FAT3: variants seen among roughly 807,000 people sequenced by gnomAD.
FAT3 encodes FAT atypical cadherin 3.
FAT3 carries 95 observed loss-of-function variants against 310.2 expected under a neutral mutation model. The ratio of observed to expected loss-of-function variants is 0.31; its 90% CI spans 0.26 to 0.36. The LOEUF is 0.36. Ranked by LOEUF, FAT3 falls within the 10% of genes least tolerant of loss-of-function variation. The pLI is 1.00. For synonymous variants in FAT3, 2,314 were observed against 2,192.9 expected (o/e 1.06, Z -1.54); for missense variants, 5,408 against 5,715.6 (o/e 0.95, Z 1.74).
intron 7 of FAT3, among the ~76,000 whole-genome samples, chr11:92,785,712 A>G (rs1036656883): frequency 6.6e-6 from 1 of 152,176 alleles, no homozygotes; most frequent in Non-Finnish European, 1.5e-5. Context: ...GAACAAATGA[A>G]AAAAGACAAA....
chr11:92,438,790 C>T (rs1280223401), intron 2 of FAT3, among the ~76,000 whole-genome samples: 10 of 152,118 alleles, frequency 6.6e-5, no homozygotes, highest in African/African-American at 1.9e-4. Context: ...GTTTTATCCC[C>T]ATGTAGTAGA....
chr11:92,843,733 C>T (rs1158521652), intron 18 of FAT3, among the ~76,000 whole-genome samples: 1 of 152,180 alleles, frequency 6.6e-6, no homozygotes, highest in African/African-American at 2.4e-5. Flanking sequence ...TTGTCCATAA[C>T]AGAGTGTACA....
chr11:92,307,077 A>G (rs147652157), intron 1 of FAT3, among the ~76,000 whole-genome samples: 218 of 151,800 alleles, frequency 1.4e-3, no homozygotes, highest in African/African-American at 5.0e-3. Context: ...GATTACAGAC[A>G]TGAGCCACTG....
At chr11:92,538,380 C>T (rs1954329420) in intron 3 of FAT3, among the ~76,000 whole-genome samples, 1 of 152,116 alleles carries the variant, frequency 6.6e-6, no homozygotes. Context: ...AGTTTCTTAA[C>T]TTGGTATAGC....
intron 2 of FAT3, among the ~76,000 whole-genome samples, chr11:92,405,949 CT>C (rs1487667530): frequency 2.2e-4 from 33 of 152,302 alleles, no homozygotes; most frequent in Admixed American, 2.1e-3. Context: ...TTGTTTTGAG[CT>C]TTCCCCCAAC....
chr11:92,696,075 G>A (rs1943930230), intron 3 of FAT3, among the ~76,000 whole-genome samples: 1 of 151,870 alleles, frequency 6.6e-6, no homozygotes, highest in Non-Finnish European at 1.5e-5. Flanking sequence ...TATTTCACAT[G>A]GTATGCTTGA....
chr11:92,615,925 A>C (rs997432757), intron 3 of FAT3, among the ~76,000 whole-genome samples: 1 of 152,106 alleles, frequency 6.6e-6, no homozygotes, highest in African/African-American at 2.4e-5. Flanking sequence ...AATAAGTGTG[A>C]TGTGGTGCTG....
At chr11:92,522,219 G>A (rs1157048563) in intron 2 of FAT3, among the ~76,000 whole-genome samples, 1 of 152,104 alleles carries the variant, frequency 6.6e-6, no homozygotes, top group African/African-American at 2.4e-5. Context: ...TCACTTGTCT[G>A]TTCTATGACT....
intron 2 of FAT3, among the ~76,000 whole-genome samples, chr11:92,359,207 C>T (rs1409511426): frequency 1.3e-5 from 2 of 152,056 alleles, no homozygotes; most frequent in Non-Finnish European, 2.9e-5. Context: ...ACAGTGGCTA[C>T]CAGATTATAT....
At chr11:92,245,928 G>A (rs1002805620) in intron 1 of FAT3, among the ~76,000 whole-genome samples, 6 of 152,068 alleles carry the variant, frequency 3.9e-5, no homozygotes, top group Admixed American at 3.3e-4. Flanking sequence ...CCAGGGGAGG[G>A]GAGTGTCATG....
At chr11:92,697,351 A>G (rs1424736921) in intron 3 of FAT3, 33 bp from the exon 4 acceptor site, 7 of 1,606,878 alleles carry the variant, frequency 4.4e-6, no homozygotes, top group Admixed American at 3.3e-5. Context: ...TGCCCCAGAT[A>G]TTTAAAAGTC....
chr11:92,614,777 C>CT (rs1234491793), intron 3 of FAT3, among the ~76,000 whole-genome samples: 1 of 152,170 alleles, frequency 6.6e-6, no homozygotes, highest in African/African-American at 2.4e-5. Flanking sequence ...CCTAAGAAGT[C>CT]TTTGCTTCTA....
chr11:92,511,230 T>G (rs1169993422), intron 2 of FAT3, among the ~76,000 whole-genome samples: 1 of 152,222 alleles, frequency 6.6e-6, no homozygotes, highest in Non-Finnish European at 1.5e-5. Context: ...CTTAGGATAA[T>G]TCACAGATGG....
intron 2 of FAT3, among the ~76,000 whole-genome samples, chr11:92,511,261 G>A (rs770664752): frequency 2.6e-5 from 4 of 152,106 alleles, no homozygotes; most frequent in Non-Finnish European, 4.4e-5. Context: ...TTCAGAGCTT[G>A]AATTATCACT....
At chr11:92,578,247 T>A (rs1465209045) in intron 3 of FAT3, among the ~76,000 whole-genome samples, 1 of 152,132 alleles carries the variant, frequency 6.6e-6, no homozygotes, top group Non-Finnish European at 1.5e-5. Flanking sequence ...ACAGGATTAC[T>A]TGGTTCTCTA....
At chr11:92,418,437 C>G (rs1277175566) in intron 2 of FAT3, among the ~76,000 whole-genome samples, 7 of 107,826 alleles carry the variant, frequency 6.5e-5, no homozygotes, top group African/African-American at 2.3e-4. Flanking sequence ...CACCCCCCCA[C>G]ACACACACAG....
At chr11:92,246,568 GGAA>G (rs1271069740) in intron 1 of FAT3, among the ~76,000 whole-genome samples, 3 of 152,046 alleles carry the variant, frequency 2.0e-5, no homozygotes, top group African/African-American at 7.2e-5. Context: ...AGGAGAAGAA[GGAA>G]GAAGGTGAGA....
At chr11:92,702,620 C>T (rs533733121) in intron 4 of FAT3, among the ~76,000 whole-genome samples, 15 of 152,304 alleles carry the variant, frequency 9.8e-5, no homozygotes, top group African/African-American at 3.4e-4. Flanking sequence ...TGCCAGTTCC[C>T]TTTCTTTTCC....
intron 1 of FAT3, among the ~76,000 whole-genome samples, chr11:92,242,636 A>G (rs1864714300): frequency 6.6e-6 from 1 of 151,994 alleles, no homozygotes; most frequent in Non-Finnish European, 1.5e-5. Flanking sequence ...CCTATAGGCA[A>G]TTATCAAGAA....
Sources: allele counts gnomAD v4.1 joint callset (sites outside exome capture counted in the v4.1 genomes callset), GRCh38; gene constraint gnomAD v4.1.1; transcripts MANE v1.5; gene names NCBI Gene and HGNC (gene_info 2026-07-23, HGNC 2026-07-21).